EDA2R: variants seen among roughly 807,000 people sequenced by gnomAD.
The protein encoded by EDA2R is tumor necrosis factor receptor superfamily member 27.
In EDA2R, 26 loss-of-function variants were observed where a neutral mutation model predicts 20.1. That is an observed-to-expected ratio of 1.30 (90% confidence interval 0.95 to 1.80). EDA2R has a LOEUF of 1.80. EDA2R is among the 40% of genes most tolerant of loss of function. The pLI, the probability that EDA2R is intolerant of heterozygous loss-of-function variation, is 0.00. For missense variants in EDA2R, 277 were observed against 228.7 expected, an observed-to-expected ratio of 1.21 and a Z score of -1.36; for synonymous variants, 114 against 88.7, an observed-to-expected ratio of 1.29 and a Z score of -1.60.
chrX:66,619,971 C>T (rs1475403520), intron 1 of EDA2R, among the ~76,000 whole-genome samples: 1 of 111,261 alleles, frequency 9.0e-6, no homozygotes, highest in Non-Finnish European at 1.9e-5. Context: ...TTTTCTATTA[C>T]CCCAGCAGGC....
chrX:66,637,130 C>G, intron 1 of EDA2R, among the ~76,000 whole-genome samples: 1 of 112,260 alleles, frequency 8.9e-6, no homozygotes, highest in East Asian at 2.8e-4. Context: ...GCGTTATCCA[C>G]AGAAGTGAGA....
chrX:66,622,228 A>G (rs914226792), intron 1 of EDA2R, among the ~76,000 whole-genome samples: 3 of 111,866 alleles, frequency 2.7e-5, no homozygotes, highest in Admixed American at 1.9e-4. Flanking sequence ...GTAGACGATT[A>G]AGAATGCAAG....
At chrX:66,628,847 C>T (rs1409107948) in intron 1 of EDA2R, among the ~76,000 whole-genome samples, 1 of 110,989 alleles carries the variant, frequency 9.0e-6, no homozygotes, top group East Asian at 2.8e-4. Flanking sequence ...TCTATGAAGC[C>T]AGCATCACCC....
intron 1 of EDA2R, among the ~76,000 whole-genome samples, chrX:66,628,331 T>A (rs1933322304): frequency 9.3e-6 from 1 of 107,481 alleles, no homozygotes; most frequent in Non-Finnish European, 1.9e-5. Flanking sequence ...ATAACCAAGA[T>A]CAGAGCAGAA....
intron 2 of EDA2R, among the ~76,000 whole-genome samples, chrX:66,609,974 G>C (rs1046590315): frequency 3.6e-5 from 4 of 111,168 alleles, no homozygotes; most frequent in Non-Finnish European, 7.5e-5. Flanking sequence ...TCTGGGAGTG[G>C]AGAAATTTTC....
At chrX:66,610,286 C>CACACAA (rs1930511371) in intron 2 of EDA2R, among the ~76,000 whole-genome samples, 2 of 108,409 alleles carry the variant, frequency 1.8e-5, no homozygotes, top group Non-Finnish European at 3.8e-5. Flanking sequence ...CACACACACA[C>CACACAA]ACACACACAC....
In EDA2R at chrX:66,612,651, G is replaced by T. The variant is rs749417430; in HGVS notation, c.87+3283C>A. 7.2e-5 allele frequency among the ~76,000 whole-genome samples: 8 copies of T among 110,490 alleles called. No individual in the cohort carries two copies. The South Asian group carries it at 3.0e-3, about 42-fold the overall frequency. ...CAAATAGAGGGACAAAAGAAACAGA[G>T]AAAACAAACACAAAAAGAATAAAAT... is the stretch of plus-strand genomic sequence containing the variant. On this transcript the variant is annotated intron_variant, in intron 2 of 6. Transcript: ENST00000374719.
intron 1 of EDA2R, among the ~76,000 whole-genome samples, chrX:66,624,972 T>G (rs1932922875): frequency 9.0e-6 from 1 of 111,511 alleles, no homozygotes; most frequent in South Asian, 3.8e-4. Flanking sequence ...CTGAGTCAAT[T>G]TAGAGAGCTG....
chrX:66,605,331 C>T (rs1929477577), intron 2 of EDA2R, 105 bp from the exon 3 acceptor site: 2 of 696,363 alleles, frequency 2.9e-6, no homozygotes, highest in East Asian at 7.6e-5. Flanking sequence ...AACTTGCAAC[C>T]CCATTACTAA....
At position 66,605,237 on chromosome X, in the gene EDA2R, A is replaced by T; in HGVS notation, c.88-11T>A. 2 of 1,195,420 alleles carry T rather than the reference A, an allele frequency of 1.7e-6. No individual in the cohort carries two copies. Among genetic ancestry groups the T allele is most frequent in the Non-Finnish European group, 2.3e-6 (2 of 886,890 alleles). On this transcript the variant is annotated splice_polypyrimidine_tract_variant and intron_variant, in intron 2 of 6. Transcript: ENST00000374719. The stretch of plus-strand genomic sequence containing the variant: ...TCCATAACCACAATCCTGTAGACAG[A>T]TGGGGGTTGTTAATATTGCTTTATA...
chrX:66,633,158 G>A (rs1223206636), intron 1 of EDA2R, among the ~76,000 whole-genome samples: 3 of 112,284 alleles, frequency 2.7e-5, no homozygotes, highest in Non-Finnish European at 5.6e-5. Context: ...AACCATATGA[G>A]TCAATTGTTT....
At chrX:66,618,722 T>C (rs906259416) in intron 1 of EDA2R, among the ~76,000 whole-genome samples, 9 of 112,228 alleles carry the variant, frequency 8.0e-5, no homozygotes, top group Non-Finnish European at 1.7e-4. Flanking sequence ...TGGTTAACTA[T>C]GCATATGAAT....
chrX:66,628,584 C>T (rs1438000927), intron 1 of EDA2R, among the ~76,000 whole-genome samples: 4 of 109,536 alleles, frequency 3.7e-5, no homozygotes, highest in Non-Finnish European at 7.6e-5. Context: ...AAGTAGAAAA[C>T]CTAGAAGAGA....
intron 2 of EDA2R, among the ~76,000 whole-genome samples, chrX:66,609,365 G>A (rs924057798): frequency 9.0e-6 from 1 of 110,984 alleles, no homozygotes; most frequent in Non-Finnish European, 1.9e-5. Flanking sequence ...CCCCATGTTT[G>A]CCCACTCAGG....
chrX:66,630,340 C>A (rs770416029), intron 1 of EDA2R, among the ~76,000 whole-genome samples: 2 of 110,887 alleles, frequency 1.8e-5, no homozygotes, highest in African/African-American at 3.3e-5. Context: ...GATAAATAGC[C>A]GGGACCTAAT....
chrX:66,633,038 C>T (rs749449205), intron 1 of EDA2R, among the ~76,000 whole-genome samples: 14 of 110,807 alleles, frequency 1.3e-4, no homozygotes, highest in African/African-American at 4.6e-4. Context: ...AAAGCCCCAG[C>T]TGGGGAAGAA....
intron 1 of EDA2R, among the ~76,000 whole-genome samples, chrX:66,625,076 G>A: frequency 8.9e-6 from 1 of 111,742 alleles, no homozygotes; most frequent in South Asian, 3.9e-4. Flanking sequence ...CCTTCAGAAG[G>A]GTCGCCAGAG....
intron 2 of EDA2R, among the ~76,000 whole-genome samples, 184 bp from the exon 3 acceptor site, chrX:66,605,410 T>C (rs1390230383): frequency 8.9e-6 from 1 of 112,483 alleles, no homozygotes; most frequent in African/African-American, 3.2e-5. Flanking sequence ...AGAATAATAG[T>C]ATCAAATATA....
In EDA2R at chrX:66,634,601, T is replaced by A. The variant is rs780031714; in HGVS notation, c.-11+4394A>T. 1.1e-4 allele frequency among the ~76,000 whole-genome samples: 12 copies of A among 111,704 alleles called. No homozygotes were observed. The South Asian group carries it at 3.8e-3, about 35-fold the overall frequency. On this transcript the variant is annotated intron_variant, in intron 1 of 6. Transcript: ENST00000374719. Reference sequence around the variant, plus strand: ...CCTAAAAGTATTATTCAGGACAACTTAACCCCATTCCCTGATGATCTAAGA... The same window carrying A: ...CCTAAAAGTATTATTCAGGACAACTAAACCCCATTCCCTGATGATCTAAGA...
Sources: gnomAD v4.1 joint callset for allele counts (sites outside exome capture counted in the v4.1 genomes callset) on GRCh38, gnomAD v4.1.1 for gene constraint, MANE v1.5 for transcripts, NCBI Gene and HGNC (gene_info 2026-07-23, HGNC 2026-07-21) for gene names.